Variants in CHCHD6 observed in about 807,000 individuals in gnomAD.
CHCHD6 encodes the protein MICOS complex subunit MIC25.
Under a neutral mutation model 32.3 loss-of-function variants are expected in CHCHD6, and 28 were observed. The ratio of observed to expected loss-of-function variants is 0.87; its 90% confidence interval spans 0.64 to 1.19. The LOEUF (loss-of-function observed/expected upper bound fraction) is 1.19. CHCHD6 is among the 50% of genes most tolerant of loss of function. CHCHD6 has a pLI of 0.00. For missense variants in CHCHD6, 333 were observed against 307.0 expected, an observed-to-expected ratio of 1.08 and a Z score of -0.63; for synonymous variants, 122 against 117.5, an observed-to-expected ratio of 1.04 and a Z score of -0.25.
Position 126,845,809 on chromosome 3 carries a change from C to T in CHCHD6, c.412-6838C>T, listed in dbSNP as rs185309810. ...CCATTTGGTTCTGTTTTATAGTTTC[C>T]GGTGGTGTCAGTGAAACTGGTAGAA... is the stretch of plus-strand genomic sequence containing the variant. On this transcript the variant is annotated intron_variant, in intron 4 of 7. Transcript: ENST00000290913. Among the ~76,000 whole-genome samples, 643 of 152,090 alleles carry T rather than the reference C, an allele frequency of 4.2e-3. 3 individuals are homozygous for T. The highest frequency in any genetic ancestry group is 0.015 in the African/African-American group (610 of 41,468).
At chr3:126,714,740 G>A (rs1934928892) in intron 1 of CHCHD6, among the ~76,000 whole-genome samples, 1 of 152,142 alleles carries the variant, frequency 6.6e-6, no homozygotes, top group South Asian at 2.1e-4. Context: ...CACCCAGCAG[G>A]CCCTAGGAAA....
intron 4 of CHCHD6, among the ~76,000 whole-genome samples, chr3:126,824,095 A>C (rs1469578571): frequency 6.6e-6 from 1 of 152,128 alleles, no homozygotes; most frequent in Non-Finnish European, 1.5e-5. Flanking sequence ...TAAAAATAAA[A>C]AATAATTATA....
intron 6 of CHCHD6, among the ~76,000 whole-genome samples, chr3:126,936,234 C>G (rs1373541905): frequency 2.6e-5 from 4 of 152,192 alleles, no homozygotes; most frequent in Non-Finnish European, 4.4e-5. Flanking sequence ...TGTGCTGACT[C>G]TGGTTCCTCA....
intron 6 of CHCHD6, among the ~76,000 whole-genome samples, chr3:126,945,892 C>T (rs1221245712): frequency 1.3e-5 from 2 of 151,800 alleles, no homozygotes; most frequent in African/African-American, 2.4e-5. Flanking sequence ...AGCAGAGAGG[C>T]GGCAAGGACT....
chr3:126,736,021 T>TA (rs1157080457), intron 4 of CHCHD6, among the ~76,000 whole-genome samples: 1 of 152,218 alleles, frequency 6.6e-6, no homozygotes, highest in African/African-American at 2.4e-5. Flanking sequence ...GGCAGTCAAC[T>TA]AAATGCTGAG....
chr3:126,917,203 A>G (rs529472828), intron 6 of CHCHD6, among the ~76,000 whole-genome samples: 63 of 152,356 alleles, frequency 4.1e-4, no homozygotes, highest in African/African-American at 1.5e-3. Flanking sequence ...TTTACTAAGC[A>G]ATAAGTACTC....
intron 4 of CHCHD6, among the ~76,000 whole-genome samples, chr3:126,792,936 G>A (rs1429743748): frequency 6.6e-6 from 1 of 152,044 alleles, no homozygotes; most frequent in African/African-American, 2.4e-5. Flanking sequence ...TGGTGCATAC[G>A]CATTAAGATT....
intron 5 of CHCHD6, among the ~76,000 whole-genome samples, chr3:126,900,776 G>C (rs538039206): frequency 1.3e-5 from 2 of 152,198 alleles, no homozygotes; most frequent in Admixed American, 6.5e-5. Context: ...GGCTGATTTT[G>C]TATTTTTAGT....
chr3:126,787,637 G>A (rs937092875), intron 4 of CHCHD6, among the ~76,000 whole-genome samples: 7 of 152,074 alleles, frequency 4.6e-5, no homozygotes, highest in African/African-American at 1.7e-4. Context: ...GTCTGTTATT[G>A]GTGTATAGGA....
intron 6 of CHCHD6, among the ~76,000 whole-genome samples, chr3:126,926,346 G>A (rs1379799648): frequency 6.6e-6 from 1 of 152,190 alleles, no homozygotes; most frequent in Non-Finnish European, 1.5e-5. Context: ...CAATACTTAT[G>A]AACTCAAGGA....
At chr3:126,727,762 CCTA>C (rs2107657068) in intron 2 of CHCHD6, among the ~76,000 whole-genome samples, 2 of 152,278 alleles carry the variant, frequency 1.3e-5, no homozygotes, top group South Asian at 4.1e-4. Context: ...TGATTTGTTC[CCTA>C]CTGTATTGTG....
At chr3:126,899,601 C>T (rs1047336865) in intron 5 of CHCHD6, among the ~76,000 whole-genome samples, 1 of 152,180 alleles carries the variant, frequency 6.6e-6, no homozygotes, top group Admixed American at 6.5e-5. Flanking sequence ...CTTTAGATGA[C>T]ACAGCCCACC....
At chr3:126,730,189 G>A (rs981621531) in intron 2 of CHCHD6, among the ~76,000 whole-genome samples, 1 of 152,122 alleles carries the variant, frequency 6.6e-6, no homozygotes, top group African/African-American at 2.4e-5. Flanking sequence ...TACCCGGGAG[G>A]TTGTCCTCAT....
chr3:126,833,280 C>T lies in CHCHD6; in HGVS notation c.412-19367C>T, dbSNP rs570863481. Among the ~76,000 whole-genome samples, 10 of 152,324 alleles carry T rather than the reference C, an allele frequency of 6.6e-5. No individual in the cohort carries two copies. In the East Asian group the frequency reaches 1.7e-3, roughly 27 times the overall value. ...CGAAGTTGGGGGTACATTTCATATA[C>T]TGTGACTGGCTCCAACCCCTTCAGG... On this transcript the variant is annotated intron_variant, in intron 4 of 7. Transcript: ENST00000290913.
At chr3:126,724,900 TCAGTCACATC>T (rs1265922891) in intron 1 of CHCHD6, among the ~76,000 whole-genome samples, 2 of 152,188 alleles carry the variant, frequency 1.3e-5, no homozygotes, top group Non-Finnish European at 2.9e-5. Context: ...TTGCAGCAAT[TCAGTCACATC>T]CTCAGGCTCC....
intron 4 of CHCHD6, among the ~76,000 whole-genome samples, chr3:126,792,610 C>T (rs904881127): frequency 6.6e-6 from 1 of 152,056 alleles, no homozygotes; most frequent in African/African-American, 2.4e-5. Context: ...ACTTTGTGGT[C>T]AGATAACATA....
intron 1 of CHCHD6, among the ~76,000 whole-genome samples, chr3:126,711,774 T>C (rs1345578203): frequency 6.6e-6 from 1 of 152,236 alleles, no homozygotes; most frequent in Non-Finnish European, 1.5e-5. Flanking sequence ...TGCAGTTTGA[T>C]GGAGCCCGCA....
At chr3:126,939,666 G>A (rs2078531786) in intron 6 of CHCHD6, among the ~76,000 whole-genome samples, 1 of 152,200 alleles carries the variant, frequency 6.6e-6, no homozygotes, top group African/African-American at 2.4e-5. Context: ...GGCAGACATG[G>A]AACAAGATGG....
Position 126,779,090 on chromosome 3 carries a change from T to C in CHCHD6, c.411+45868T>C, listed in dbSNP as rs769101067. 1.8e-3 allele frequency among the ~76,000 whole-genome samples: 272 copies of C among 152,244 alleles called. 1 individual carries two copies. The highest frequency in any genetic ancestry group is 3.1e-3 in the Non-Finnish European group (214 of 68,018). On this transcript the variant is annotated intron_variant, in intron 4 of 7. Coordinates refer to ENST00000290913, the MANE Select transcript of CHCHD6 (RefSeq NM_032343.3). ...GATGAAGTCCAGTTTACCTACTTTTTATTATTTGTTTATTTAAGTAAGTTT... is the reference window on the plus strand; with the variant it reads ...GATGAAGTCCAGTTTACCTACTTTTCATTATTTGTTTATTTAAGTAAGTTT...
Sources: allele counts gnomAD v4.1 joint callset (sites outside exome capture counted in the v4.1 genomes callset), GRCh38; gene constraint gnomAD v4.1.1; transcripts MANE v1.5; gene names NCBI Gene and HGNC (gene_info 2026-07-23, HGNC 2026-07-21).